The following EPAS1 variants were observed in gnomAD, a reference collection of about 807,000 sequenced individuals.
EPAS1 encodes endothelial PAS domain-containing protein 1.
In EPAS1, 23 loss-of-function variants were observed where a neutral mutation model predicts 87.9. That is an observed-to-expected ratio of 0.26 (90% CI 0.19 to 0.37). EPAS1 has a LOEUF of 0.37. EPAS1 is among the 10% of genes least tolerant of loss of function. The pLI is 1.00. For synonymous variants in EPAS1, 508 were observed against 444.3 expected (o/e 1.14, Z -1.80); for missense variants, 1,138 against 1,120.7 (o/e 1.02, Z -0.22).
intron 2 of EPAS1, among the ~76,000 whole-genome samples, chr2:46,353,700 G>A (rs1010355800): frequency 2.6e-5 from 4 of 152,180 alleles, no homozygotes; most frequent in Non-Finnish European, 5.9e-5. Flanking sequence ...TCGCTTCAGC[G>A]GGCTGATGAG....
chr2:46,341,980 C>A (rs1168432917), intron 1 of EPAS1, among the ~76,000 whole-genome samples: 1 of 152,132 alleles, frequency 6.6e-6, no homozygotes, highest in African/African-American at 2.4e-5. Context: ...TCTGCCTCCC[C>A]CCACCACACA....
At chr2:46,342,458 C>G (rs1387349249) in intron 1 of EPAS1, among the ~76,000 whole-genome samples, 1 of 152,238 alleles carries the variant, frequency 6.6e-6, no homozygotes, top group Admixed American at 6.5e-5. Context: ...TCAGTCATCT[C>G]TTTACCTGCT....
At chr2:46,359,257 C>CAAAAAAAAAAAAAAAAAAAAAAAAAA (rs57351888) in intron 4 of EPAS1, among the ~76,000 whole-genome samples, 3 of 25,094 alleles carry the variant, frequency 1.2e-4, no homozygotes, top group Admixed American at 5.8e-4. Context: ...GATTCTGTCT[C>CAAAAAAAAAAAAAAAAAAAAAAAAAA]AAAAAAAAAA....
chr2:46,384,453 A>C, intron 15 of EPAS1, 56 bp from the exon 16 acceptor site: 1 of 1,612,880 alleles, frequency 6.2e-7, no homozygotes, highest in Non-Finnish European at 8.5e-7. Context: ...AGAAGTAGAC[A>C]CTTTTCCAAA....
At chr2:46,374,619 AG>A (rs1288691045) in intron 7 of EPAS1, among the ~76,000 whole-genome samples, 1 of 152,230 alleles carries the variant, frequency 6.6e-6, no homozygotes, top group Non-Finnish European at 1.5e-5. Flanking sequence ...CAAGCTAGCA[AG>A]ATTTCCCGAT....
intron 4 of EPAS1, among the ~76,000 whole-genome samples, chr2:46,359,266 A>AAAAAAAAAAAAAAAAAAAC (rs1684336983): frequency 6.8e-6 from 1 of 147,332 alleles, no homozygotes; most frequent in Non-Finnish European, 1.5e-5. Context: ...TCAAAAAAAA[A>AAAAAAAAAAAAAAAAAAAC]AAAAAAAAAA....
intron 2 of EPAS1, among the ~76,000 whole-genome samples, chr2:46,350,172 A>G (rs1334548464): frequency 6.6e-6 from 1 of 152,232 alleles, no homozygotes; most frequent in African/African-American, 2.4e-5. Flanking sequence ...GTAAATTCTT[A>G]CTATCCTCTA....
At chr2:46,382,260 C>T (rs1242696725) in intron 14 of EPAS1, among the ~76,000 whole-genome samples, 165 bp from the exon 15 acceptor site, 2 of 152,230 alleles carry the variant, frequency 1.3e-5, no homozygotes, top group Admixed American at 6.5e-5. Flanking sequence ...CCCAACTTTT[C>T]CATCTCCACT....
intron 9 of EPAS1, among the ~76,000 whole-genome samples, chr2:46,377,502 G>C (rs1025690218): frequency 2.0e-5 from 3 of 152,226 alleles, no homozygotes; most frequent in Non-Finnish European, 4.4e-5. Context: ...AATCTGAAAC[G>C]CAGCGGGCCC....
intron 4 of EPAS1, among the ~76,000 whole-genome samples, chr2:46,358,574 C>T (rs1385541417): frequency 6.6e-6 from 1 of 152,216 alleles, no homozygotes; most frequent in African/African-American, 2.4e-5. Flanking sequence ...TACCCTACTT[C>T]TCTGTTCCTC....
chr2:46,333,510 G>A (rs953153344), intron 1 of EPAS1, among the ~76,000 whole-genome samples: 2 of 152,056 alleles, frequency 1.3e-5, no homozygotes, highest in African/African-American at 4.8e-5. Context: ...AAACTTTAGG[G>A]TTTAGAAGGT....
intron 1 of EPAS1, among the ~76,000 whole-genome samples, chr2:46,315,122 A>G (rs1368753930): frequency 6.6e-6 from 1 of 152,186 alleles, no homozygotes; most frequent in Non-Finnish European, 1.5e-5. Context: ...AACTACTGCA[A>G]AAGAAGAGGT....
rs1226214111 is a variant in EPAS1, at chr2:46,385,762, A to G, written c.*1102A>G. On this transcript the variant is annotated 3_prime_UTR_variant, in exon 16 of 16. Coordinates refer to ENST00000263734, the MANE Select transcript of EPAS1 (RefSeq NM_001430.5). ...TGTGGGGTCGGGGGGTGGGGCGGGG[A>G]AGTGCTCTAACTTTTCTTAAGGTTT... is the stretch of plus-strand genomic sequence containing the variant. The G allele has an allele frequency of 6.6e-6, 1 of 152,074 alleles. No homozygotes were observed. Among genetic ancestry groups the G allele is most frequent in the Non-Finnish European group, 1.5e-5 (1 of 68,032 alleles). 9.4% of individuals were successfully genotyped at this position (152,074 alleles called of 1,614,324 possible). A position where few individuals can be genotyped will look rare whatever the true frequency, so the allele number is the denominator to read the frequency against.
chr2:46,348,831 G>A (rs1436958147), intron 2 of EPAS1, among the ~76,000 whole-genome samples: 2 of 152,166 alleles, frequency 1.3e-5, no homozygotes, highest in Admixed American at 1.3e-4. Flanking sequence ...CATTTCCTTT[G>A]AATGTTGTGT....
At position 46,367,989 on chromosome 2, in the gene EPAS1, A is replaced by C. The variant is rs555592543; in HGVS notation, c.780-1838A>C. Among the ~76,000 whole-genome samples the C allele has an allele frequency of 2.0e-5, 3 of 152,358 alleles. No homozygotes were observed. The East Asian group carries it at 5.8e-4, about 29-fold the overall frequency. On this transcript the variant is annotated intron_variant, in intron 6 of 15. Coordinates refer to ENST00000263734, the MANE Select transcript of EPAS1 (RefSeq NM_001430.5). ...AAAAAAAAGTAGATCCTTAGTGCCC[A>C]GGTTCCTTAGCAGTGCTGGGATAAA...
chr2:46,316,939 G>C (rs559453254), intron 1 of EPAS1, among the ~76,000 whole-genome samples: 21 of 152,298 alleles, frequency 1.4e-4, no homozygotes, highest in African/African-American at 4.8e-4. Flanking sequence ...CATTTCCACA[G>C]TGTTCACACC....
In EPAS1 at chr2:46,356,141, C is replaced by CT. The variant is rs564869067; in HGVS notation, c.218-10_218-9insT. 1,017 of 1,381,540 alleles carry CT rather than the reference C, an allele frequency of 7.4e-4. 8 individuals carry two copies. The African/African-American group carries it at 0.013, about 17-fold the overall frequency. 85.6% of individuals were successfully genotyped at this position (1,381,540 alleles called of 1,614,324 possible). ...TTCATGCAAGCTGTCCCACCCCCCC[C>CT]CCTTTCCAGTTTGCTCTGAAAACGA... On this transcript the variant is annotated splice_polypyrimidine_tract_variant and intron_variant, in intron 2 of 15. Coordinates refer to ENST00000263734, the MANE Select transcript of EPAS1 (RefSeq NM_001430.5).
chr2:46,343,699 A>G (rs1481285280), intron 1 of EPAS1, among the ~76,000 whole-genome samples: 1 of 152,240 alleles, frequency 6.6e-6, no homozygotes, highest in Non-Finnish European at 1.5e-5. Flanking sequence ...GAGGCTGCCT[A>G]AGATTCTCAA....
At chr2:46,313,313 A>C (rs1395735807) in intron 1 of EPAS1, among the ~76,000 whole-genome samples, 4 of 152,050 alleles carry the variant, frequency 2.6e-5, no homozygotes, top group African/African-American at 9.7e-5. Flanking sequence ...GAGGCTGGCC[A>C]GTTAACTTCT....
Sources: allele counts gnomAD v4.1 joint callset (sites outside exome capture counted in the v4.1 genomes callset), GRCh38; gene constraint gnomAD v4.1.1; transcripts MANE v1.5; gene names NCBI Gene and HGNC (gene_info 2026-07-23, HGNC 2026-07-21).